CLTC: variants seen among roughly 807,000 people sequenced by gnomAD.
CLTC encodes clathrin heavy chain 1.
In CLTC, 16 loss-of-function variants were observed where a neutral mutation model predicts 195.8. The observed-to-expected ratio is 0.08, with a 90% CI of 0.06 to 0.12. The LOEUF is 0.12. Among genes scored for constraint, CLTC ranks in the 10% least tolerant of loss-of-function variants. CLTC has a pLI of 1.00. For missense variants in CLTC, 796 were observed against 2,027.0 expected (o/e 0.39, Z 11.66); for synonymous variants, 667 against 689.4 (o/e 0.97, Z 0.51).
chr17:59,693,649 T>A, intron 31 of CLTC, 79 bp from the exon 32 acceptor site: 3 of 1,469,102 alleles, frequency 2.0e-6, no homozygotes, highest in Non-Finnish European at 2.7e-6. Flanking sequence ...TGGAGGAGAT[T>A]GGAGTGTTCT....
At position 59,680,959 on chromosome 17, in the gene CLTC, A is replaced by G; in HGVS notation, c.2967A>G (p.Ser989=). ...AGACTCAGGACCCTGAAGAAGTGTC[A>G]GTAACTGTAAAGGCTTTCATGACTG... ...LSETQDPEEV[S]VTVKAFMTAD... is the part of the protein sequence containing the mutation. Residue 989 remains serine (S), a synonymous_variant, in exon 19 of 32, where the codon TCA becomes TCG. Transcript: ENST00000269122. The G allele has an allele frequency of 6.2e-7, 1 of 1,613,900 alleles. No homozygotes were observed. The highest frequency in any genetic ancestry group is 8.5e-7 in the Non-Finnish European group (1 of 1,179,806).
chr17:59,685,787 C>A lies in CLTC; in HGVS notation c.4806C>A (p.Val1602=). The stretch of plus-strand genomic sequence containing the variant: ...TTGCCATGCCCTATTTCATCCAGGT[C>A]ATGAAGGAGTACTTGACAAAGGTAA... ...MDFAMPYFIQ[V]MKEYLTKVDK... is the part of the protein sequence containing the mutation. The change falls in exon 30 of 32, where the codon GTC becomes GTA. Residue 1602 remains valine, a synonymous_variant. Coordinates refer to ENST00000269122, the MANE Select transcript of CLTC (RefSeq NM_004859.4). The surrounding 1 kb of genome is among the most constrained non-coding windows in gnomAD (Gnocchi z 5.0). 2 of 1,613,780 alleles carry A rather than the reference C, an allele frequency of 1.2e-6. No homozygotes were observed. The highest frequency in any genetic ancestry group is 2.2e-5 in the South Asian group (2 of 91,054).
At chr17:59,662,155 C>T (rs1598224446) in intron 8 of CLTC, among the ~76,000 whole-genome samples, 2 of 151,400 alleles carry the variant, frequency 1.3e-5, no homozygotes, top group Non-Finnish European at 2.9e-5. Flanking sequence ...ATCTAATTAG[C>T]AATGAGATAC....
At chr17:59,674,008 C>T (rs1385655510) in intron 15 of CLTC, among the ~76,000 whole-genome samples, 2 of 152,074 alleles carry the variant, frequency 1.3e-5, no homozygotes, top group East Asian at 3.9e-4. Flanking sequence ...AAGCAGTCCT[C>T]CTGCCTTAGC....
chr17:59,670,826 G>A (rs959438108), intron 14 of CLTC, among the ~76,000 whole-genome samples: 2 of 152,118 alleles, frequency 1.3e-5, no homozygotes. Flanking sequence ...ATCAGATGAA[G>A]ATTTCCCCTC....
chr17:59,691,538 C>T (rs1035548873), intron 31 of CLTC, among the ~76,000 whole-genome samples: 7 of 151,382 alleles, frequency 4.6e-5, no homozygotes, highest in African/African-American at 1.5e-4. Flanking sequence ...GCAGGAGAAT[C>T]GCTTGAACCC....
At chr17:59,674,137 CAG>C (rs1336603834) in intron 15 of CLTC, among the ~76,000 whole-genome samples, 1 of 151,342 alleles carries the variant, frequency 6.6e-6, no homozygotes, top group Non-Finnish European at 1.5e-5. Context: ...CAAGCCGACT[CAG>C]GGAAGGGGGA....
intron 2 of CLTC, among the ~76,000 whole-genome samples, chr17:59,644,957 T>G (rs1375566831): frequency 6.6e-6 from 1 of 152,246 alleles, no homozygotes; most frequent in Non-Finnish European, 1.5e-5. Context: ...CGAACTTGAT[T>G]TAAACCACTT....
chr17:59,655,788 C>T, intron 5 of CLTC, 66 bp from the exon 6 acceptor site: 3 of 1,312,570 alleles, frequency 2.3e-6, no homozygotes, highest in Non-Finnish European at 3.1e-6. Flanking sequence ...TGGAATTAGA[C>T]TGAATGTTTT....
At chr17:59,675,126 A>G (rs7216939) in intron 16 of CLTC, among the ~76,000 whole-genome samples, 3,711 of 152,236 alleles carry the variant, frequency 0.024, 142 homozygotes, top group African/African-American at 0.084. Context: ...TATATAAACT[A>G]TGTACTAAGT....
chr17:59,665,849 A>T (rs1019689347), intron 10 of CLTC, among the ~76,000 whole-genome samples: 2 of 152,194 alleles, frequency 1.3e-5, no homozygotes, highest in African/African-American at 4.8e-5. Flanking sequence ...TCAAAAAAAT[A>T]AAATAAATAA....
At chr17:59,680,191 AATTG>A (rs2033054840) in intron 18 of CLTC, among the ~76,000 whole-genome samples, 1 of 152,200 alleles carries the variant, frequency 6.6e-6, no homozygotes, top group South Asian at 2.1e-4. Flanking sequence ...TAAGTGGCTA[AATTG>A]ATTGGAAACT....
In CLTC at chr17:59,683,038, C is replaced by A; in HGVS notation, c.3873+24C>A. 6.2e-7 allele frequency: 1 copy of A among 1,613,600 alleles called. No homozygotes were observed. The highest frequency in any genetic ancestry group is 8.5e-7 in the Non-Finnish European group (1 of 1,179,620). On this transcript the variant is annotated intron_variant, in intron 24 of 31. Transcript: ENST00000269122. This position sits in a 1 kb window ranked among gnomAD's most constrained non-coding sequence, Gnocchi z 6.1. ...AGGTATTAACGAGACTTTTATATGA[C>A]CTGAGATCTTTTACCATAGATATTC...
chr17:59,655,166 CT>C (rs2032434038), intron 5 of CLTC, among the ~76,000 whole-genome samples: 3 of 152,154 alleles, frequency 2.0e-5, no homozygotes, highest in Non-Finnish European at 4.4e-5. Flanking sequence ...TTACTTCTAG[CT>C]TTCGATTTAA....
intron 1 of CLTC, among the ~76,000 whole-genome samples, chr17:59,636,596 C>G (rs1050620751): frequency 3.9e-5 from 6 of 151,946 alleles, no homozygotes; most frequent in African/African-American, 1.5e-4. Flanking sequence ...TCAAGCTATC[C>G]TCCCATCTCA....
intron 8 of CLTC, 71 bp from the exon 9 acceptor site, chr17:59,663,771 G>C (rs1312901747): frequency 7.7e-7 from 1 of 1,292,234 alleles, no homozygotes; most frequent in African/African-American, 1.5e-5. Flanking sequence ...ACTTATAGTG[G>C]ACATAGTGTC....
intron 1 of CLTC, among the ~76,000 whole-genome samples, chr17:59,637,999 G>A (rs1334327693): frequency 2.4e-4 from 29 of 121,438 alleles, no homozygotes; most frequent in Admixed American, 3.4e-4. Flanking sequence ...AAAAAAAAAA[G>A]GCATTTCATA....
chr17:59,685,411 A>G lies in CLTC; in HGVS notation c.4606-176A>G, dbSNP rs1211698642. On this transcript the variant is annotated intron_variant, in intron 29 of 31. Transcript: ENST00000269122. This position sits in a 1 kb window ranked among gnomAD's most constrained non-coding sequence, Gnocchi z 5.0. ...GTTAAGGTCAAACTTGTCTGGGGAAAAAAAAGCTTTTAGCTTATCTCTTCT... is the reference window on the plus strand; with the variant it reads ...GTTAAGGTCAAACTTGTCTGGGGAAGAAAAAGCTTTTAGCTTATCTCTTCT... Among the ~76,000 whole-genome samples, 1 of 152,208 alleles carries G rather than the reference A, an allele frequency of 6.6e-6. No individual in the cohort carries two copies. The highest frequency in any genetic ancestry group is 2.4e-5 in the African/African-American group (1 of 41,462).
intron 31 of CLTC, among the ~76,000 whole-genome samples, 176 bp from the exon 32 acceptor site, chr17:59,693,552 C>G (rs1474597863): frequency 6.6e-6 from 1 of 152,126 alleles, no homozygotes; most frequent in Admixed American, 6.5e-5. Flanking sequence ...TAGGAACCTT[C>G]TTAGAGTAAG....
Sources: gnomAD v4.1 joint callset for allele counts (sites outside exome capture counted in the v4.1 genomes callset) on GRCh38, gnomAD v4.1.1 for gene constraint, Gnocchi (gnomAD v3.1) non-coding constraint, MANE v1.5 for transcripts, NCBI Gene and HGNC (gene_info 2026-07-23, HGNC 2026-07-21) for gene names.